NEK10: variants seen among roughly 807,000 people sequenced by gnomAD.
NEK10 encodes NIMA related kinase 10.
NEK10 carries 122 observed loss-of-function variants against 159.8 expected under a neutral mutation model. That is an observed-to-expected ratio of 0.76 (90% CI 0.66 to 0.89). NEK10 has a LOEUF of 0.89. Ranked by LOEUF, NEK10 falls within the 40% of genes least tolerant of loss-of-function variation. The probability of loss-of-function intolerance (pLI) is 0.00; values close to 1 mark genes in which losing one functional copy is unlikely to be tolerated. For synonymous variants in NEK10, 466 were observed against 457.1 expected, an observed-to-expected ratio of 1.02 and a Z score of -0.25; for missense variants, 1,342 against 1,323.1, an observed-to-expected ratio of 1.01 and a Z score of -0.22.
intron 23 of NEK10, among the ~76,000 whole-genome samples, chr3:27,203,955 T>A (rs1165778278): frequency 6.6e-6 from 1 of 152,154 alleles, no homozygotes; most frequent in African/African-American, 2.4e-5. Context: ...GTTCTAAATG[T>A]ACAAAAAGTA....
At chr3:27,182,946 T>A (rs1948267165) in intron 26 of NEK10, among the ~76,000 whole-genome samples, 1 of 151,286 alleles carries the variant, frequency 6.6e-6, no homozygotes, top group South Asian at 2.1e-4. Flanking sequence ...AGAGGGGGGA[T>A]AAAAAAGGAA....
chr3:27,268,170 G>C (rs1401929043), intron 22 of NEK10, among the ~76,000 whole-genome samples: 1 of 152,210 alleles, frequency 6.6e-6, no homozygotes, highest in Non-Finnish European at 1.5e-5. Flanking sequence ...GTTGGTTCAC[G>C]AGGTTTAAGG....
At chr3:27,232,786 A>T (rs193001731) in intron 23 of NEK10, among the ~76,000 whole-genome samples, 1 of 152,222 alleles carries the variant, frequency 6.6e-6, no homozygotes, top group Non-Finnish European at 1.5e-5. Flanking sequence ...TCTTCAACAA[A>T]ACAAACAAAA....
At position 27,359,781 on chromosome 3, in the gene NEK10, G is replaced by A. The variant is rs1457639471; in HGVS notation, c.-37-6862C>T. 3.9e-5 allele frequency among the ~76,000 whole-genome samples: 6 copies of A among 152,218 alleles called. No homozygotes were observed. The South Asian group carries it at 6.2e-4, about 16-fold the overall frequency. ...GCTGTTTTTGCAGTTTCTATGTTACGTCTAAAATTATTTCAAAATACACAC... is the reference window on the plus strand; with the variant it reads ...GCTGTTTTTGCAGTTTCTATGTTACATCTAAAATTATTTCAAAATACACAC... On this transcript the variant is annotated intron_variant, in intron 1 of 35. Coordinates refer to ENST00000691995, the MANE Select transcript of NEK10 (RefSeq NM_001394966.1).
intron 22 of NEK10, among the ~76,000 whole-genome samples, chr3:27,260,548 C>G (rs960604699): frequency 6.6e-6 from 1 of 152,174 alleles, no homozygotes; most frequent in Admixed American, 6.5e-5. Context: ...GTTGAACCAG[C>G]CTTGCATCCC....
At chr3:27,142,266 T>C (rs1371384999) in intron 30 of NEK10, among the ~76,000 whole-genome samples, 1 of 152,172 alleles carries the variant, frequency 6.6e-6, no homozygotes, top group Non-Finnish European at 1.5e-5. Flanking sequence ...ATAGCCACAG[T>C]CTGTTCTTAA....
intron 33 of NEK10, among the ~76,000 whole-genome samples, chr3:27,116,360 G>A (rs1218196032): frequency 6.6e-6 from 1 of 152,066 alleles, no homozygotes; most frequent in Non-Finnish European, 1.5e-5. Context: ...GATATATGAA[G>A]ATTAAGGGGC....
chr3:27,360,831 A>G (rs530888387), intron 1 of NEK10, among the ~76,000 whole-genome samples: 1 of 152,190 alleles, frequency 6.6e-6, no homozygotes. Context: ...TCAGCTAAGG[A>G]CAAGCATTAT....
At chr3:27,305,830 A>T (rs141934070) in intron 11 of NEK10, among the ~76,000 whole-genome samples, 5 of 152,222 alleles carry the variant, frequency 3.3e-5, no homozygotes, top group Non-Finnish European at 7.4e-5. Flanking sequence ...TATTATGATG[A>T]TAAACGTTTT....
At chr3:27,141,645 T>A (rs1943796642) in intron 30 of NEK10, 63 bp from the exon 31 acceptor site, 3 of 1,277,906 alleles carry the variant, frequency 2.3e-6, no homozygotes, top group Non-Finnish European at 3.4e-6. Context: ...AGTGAAAAAA[T>A]GAAGTAAAAT....
chr3:27,319,113 G>A (rs769042018), intron 6 of NEK10, among the ~76,000 whole-genome samples: 24 of 152,042 alleles, frequency 1.6e-4, no homozygotes, highest in Non-Finnish European at 3.2e-4. Flanking sequence ...CTACTCAATC[G>A]CACTATTTTT....
intron 30 of NEK10, among the ~76,000 whole-genome samples, chr3:27,160,133 A>T (rs1879766): frequency 6.6e-6 from 1 of 152,082 alleles, no homozygotes; most frequent in Non-Finnish European, 1.5e-5. Flanking sequence ...AAAATAAATC[A>T]TTCACAAATT....
intron 22 of NEK10, among the ~76,000 whole-genome samples, chr3:27,261,433 C>T (rs1045115508): frequency 4.8e-4 from 73 of 152,286 alleles, no homozygotes; most frequent in African/African-American, 1.6e-3. Context: ...TCTTTGTTCT[C>T]ATTGGTTTCA....
chr3:27,257,882 G>A (rs919822702), intron 22 of NEK10, among the ~76,000 whole-genome samples: 7 of 150,218 alleles, frequency 4.7e-5, no homozygotes, highest in Non-Finnish European at 8.8e-5. Context: ...TCTGCCTGCC[G>A]GGTTCACGCC....
At chr3:27,242,851 A>G (rs1432916601) in intron 23 of NEK10, among the ~76,000 whole-genome samples, 2 of 152,204 alleles carry the variant, frequency 1.3e-5, no homozygotes, top group Admixed American at 6.5e-5. Flanking sequence ...AAAATCTTCA[A>G]AACTTAACTG....
intron 9 of NEK10, chr3:27,310,690 G>A (rs1453527426): frequency 5.9e-6 from 2 of 341,080 alleles, no homozygotes; most frequent in Admixed American, 9.5e-5. Flanking sequence ...TAATATTTAA[G>A]TAATAAACCT....
chr3:27,281,101 A>G (rs1232908401), intron 22 of NEK10, among the ~76,000 whole-genome samples: 1 of 152,040 alleles, frequency 6.6e-6, no homozygotes, highest in Non-Finnish European at 1.5e-5. Context: ...ATATGATAAT[A>G]TAAATTTAAT....
chr3:27,144,611 C>T (rs777207431), intron 30 of NEK10, among the ~76,000 whole-genome samples: 40 of 152,138 alleles, frequency 2.6e-4, no homozygotes, highest in Non-Finnish European at 2.6e-4. Flanking sequence ...TTTATCTAAA[C>T]GCTAGTGAGG....
intron 23 of NEK10, among the ~76,000 whole-genome samples, chr3:27,233,635 C>T (rs1334413851): frequency 6.6e-6 from 1 of 151,858 alleles, no homozygotes; most frequent in Non-Finnish European, 1.5e-5. Context: ...GATATGAAAC[C>T]AACCTAAGTG....
Sources: gnomAD v4.1 joint callset for allele counts (sites outside exome capture counted in the v4.1 genomes callset) on GRCh38, gnomAD v4.1.1 for gene constraint, MANE v1.5 for transcripts, NCBI Gene and HGNC (gene_info 2026-07-23, HGNC 2026-07-21) for gene names.